ARHGAP10: variants seen among roughly 807,000 people sequenced by gnomAD.
The protein encoded by ARHGAP10 is Rho GTPase activating protein 10, also known as rho GTPase-activating protein 10.
In ARHGAP10, 87 loss-of-function variants were observed where a neutral mutation model predicts 108.6. The observed-to-expected ratio is 0.80, with a 90% CI of 0.67 to 0.96. ARHGAP10 has a LOEUF of 0.96. Among genes scored for constraint, ARHGAP10 ranks in the 40% least tolerant of loss-of-function variants. The probability of loss-of-function intolerance (pLI) is 0.00; values close to 1 mark genes in which losing one functional copy is unlikely to be tolerated. For missense variants in ARHGAP10, 939 were observed against 954.5 expected (o/e 0.98, Z 0.21); for synonymous variants, 347 against 341.1 (o/e 1.02, Z -0.19).
At chr4:147,966,646 G>T (rs778088828) in intron 17 of ARHGAP10, 34 bp from the exon 18 acceptor site, 7 of 1,518,426 alleles carry the variant, frequency 4.6e-6, no homozygotes, top group African/African-American at 2.8e-5. Context: ...TGCTCCTTTG[G>T]TTAAACAGAT....
intron 1 of ARHGAP10, among the ~76,000 whole-genome samples, chr4:147,803,209 G>A (rs559684391): frequency 7.9e-5 from 12 of 152,102 alleles, no homozygotes; most frequent in South Asian, 2.1e-4. Context: ...GGGTTTCACC[G>A]TGTTGGCCAG....
intron 1 of ARHGAP10, among the ~76,000 whole-genome samples, chr4:147,788,546 A>G (rs183376489): frequency 6.6e-6 from 1 of 152,332 alleles, no homozygotes; most frequent in Admixed American, 6.5e-5. Context: ...ATTAGGGGTG[A>G]GACCAAGGGT....
At chr4:147,956,299 C>T (rs558648826) in intron 16 of ARHGAP10, among the ~76,000 whole-genome samples, 16 of 152,162 alleles carry the variant, frequency 1.1e-4, no homozygotes, top group African/African-American at 3.1e-4. Flanking sequence ...CCAATGTTAC[C>T]GCTGCCTGAA....
Position 147,980,614 on chromosome 4 carries a change from A to G in ARHGAP10, c.1716+13775A>G, listed in dbSNP as rs1401444585. On this transcript the variant is annotated intron_variant, in intron 18 of 22. Transcript: ENST00000336498. ...GAATTGTTCCAGTAGGATTGGTACC[A>G]GCTCTTTTTTGTAAGCCTGGTAGAA... Among the ~76,000 whole-genome samples the G allele has an allele frequency of 5.3e-5, 8 of 152,254 alleles. No homozygotes were observed. The South Asian group carries it at 8.3e-4, about 16-fold the overall frequency.
chr4:147,923,337 C>CT (rs1323258021), intron 13 of ARHGAP10, among the ~76,000 whole-genome samples: 1 of 152,168 alleles, frequency 6.6e-6, no homozygotes, highest in Non-Finnish European at 1.5e-5. Flanking sequence ...TGCATTGTCT[C>CT]TTTCTGGGCC....
chr4:148,045,693 G>A (rs913499371), intron 19 of ARHGAP10, among the ~76,000 whole-genome samples: 4 of 136,304 alleles, frequency 2.9e-5, no homozygotes, highest in Non-Finnish European at 4.5e-5. Flanking sequence ...AGCCGAGATC[G>A]CGCCATTGCA....
chr4:147,960,100 A>G (rs967748852), intron 16 of ARHGAP10, among the ~76,000 whole-genome samples: 1 of 152,070 alleles, frequency 6.6e-6, no homozygotes. Flanking sequence ...AAATTGTTAT[A>G]TTGTTTTTAT....
At chr4:147,758,263 C>CAA (rs754776146) in intron 1 of ARHGAP10, among the ~76,000 whole-genome samples, 10 of 89,090 alleles carry the variant, frequency 1.1e-4, no homozygotes, top group African/African-American at 2.4e-4. Flanking sequence ...AACTTCATCT[C>CAA]AAAAAAAAAA....
intron 15 of ARHGAP10, among the ~76,000 whole-genome samples, chr4:147,955,004 A>G (rs1738734646): frequency 6.6e-6 from 1 of 152,042 alleles, no homozygotes; most frequent in Non-Finnish European, 1.5e-5. Context: ...TAAATACATT[A>G]ATGTGTAGAA....
intron 1 of ARHGAP10, among the ~76,000 whole-genome samples, chr4:147,801,120 A>G (rs1731563221): frequency 1.3e-5 from 2 of 152,206 alleles, no homozygotes; most frequent in Admixed American, 1.3e-4. Context: ...TCATTCTTAG[A>G]TGTTGGAATT....
chr4:147,853,060 T>G (rs1044886875), intron 4 of ARHGAP10, among the ~76,000 whole-genome samples: 2 of 152,302 alleles, frequency 1.3e-5, no homozygotes, highest in Non-Finnish European at 2.9e-5. Context: ...AGATAATCAT[T>G]TACTCACTCC....
chr4:147,928,016 C>G (rs560746101), intron 13 of ARHGAP10, among the ~76,000 whole-genome samples: 1 of 152,362 alleles, frequency 6.6e-6, no homozygotes, highest in African/African-American at 2.4e-5. Context: ...TCTAGGGCAT[C>G]TGGTCTGAAG....
At chr4:147,831,431 T>G (rs1212752297) in intron 3 of ARHGAP10, among the ~76,000 whole-genome samples, 1 of 152,262 alleles carries the variant, frequency 6.6e-6, no homozygotes, top group Non-Finnish European at 1.5e-5. Context: ...TTAAAAAGAT[T>G]ATGCCTTTAG....
rs917037771 is a variant in ARHGAP10 at position 147,914,106 on chromosome 4, C to T, written c.1228+967C>T. ...GGCAGAGGTTGCAGTGAGCCGAGATCGTGTCACTGCACTCCAGCCTGGGTG... is the reference window on the plus strand; with the variant it reads ...GGCAGAGGTTGCAGTGAGCCGAGATTGTGTCACTGCACTCCAGCCTGGGTG... On this transcript the variant is annotated intron_variant, in intron 13 of 22. Transcript: ENST00000336498. Among the ~76,000 whole-genome samples the T allele has an allele frequency of 3.3e-5, 5 of 152,204 alleles. No homozygotes were observed. The East Asian group carries it at 9.7e-4, about 29-fold the overall frequency.
At chr4:147,937,074 C>A (rs549725788) in intron 13 of ARHGAP10, among the ~76,000 whole-genome samples, 6 of 152,188 alleles carry the variant, frequency 3.9e-5, no homozygotes, top group African/African-American at 1.2e-4. Context: ...CCATCCCCCC[C>A]ACCCCAATCG....
At chr4:147,855,366 AGTT>A (rs894555062) in intron 4 of ARHGAP10, among the ~76,000 whole-genome samples, 115 of 149,962 alleles carry the variant, frequency 7.7e-4, no homozygotes, top group African/African-American at 2.6e-3. Flanking sequence ...ATTTTCTGTT[AGTT>A]GTTAAAATAG....
chr4:147,910,296 T>A (rs1031114510), intron 12 of ARHGAP10, among the ~76,000 whole-genome samples: 2 of 152,046 alleles, frequency 1.3e-5, no homozygotes, highest in Non-Finnish European at 2.9e-5. Flanking sequence ...GTGCTGAGAT[T>A]ACAGGCGTGA....
At chr4:147,948,857 TC>T (rs1578723127) in intron 15 of ARHGAP10, among the ~76,000 whole-genome samples, 1 of 150,398 alleles carries the variant, frequency 6.6e-6, no homozygotes, top group East Asian at 2.0e-4. Flanking sequence ...TCGCAGCTAC[TC>T]GGGAGGCTGA....
intron 13 of ARHGAP10, among the ~76,000 whole-genome samples, chr4:147,914,198 A>G (rs1346506043): frequency 1.3e-5 from 2 of 152,172 alleles, no homozygotes; most frequent in Admixed American, 1.3e-4. Context: ...AGTCAGTACA[A>G]TTCACTGATT....
Sources: gnomAD v4.1 joint callset for allele counts (sites outside exome capture counted in the v4.1 genomes callset) on GRCh38, gnomAD v4.1.1 for gene constraint, MANE v1.5 for transcripts, NCBI Gene and HGNC (gene_info 2026-07-23, HGNC 2026-07-21) for gene names.